Variants in PTPRG observed in about 807,000 individuals in gnomAD.
PTPRG encodes the protein protein tyrosine phosphatase receptor type G.
In PTPRG, 102 loss-of-function variants were observed where a neutral mutation model predicts 165.3. The observed-to-expected ratio is 0.62, with a 90% confidence interval of 0.53 to 0.73. The LOEUF is 0.73. Ranked by LOEUF, PTPRG falls within the 30% of genes least tolerant of loss-of-function variation. The pLI, the probability that PTPRG is intolerant of heterozygous loss-of-function variation, is 0.00. For synonymous variants in PTPRG, 675 were observed against 669.5 expected, an observed-to-expected ratio of 1.01 and a Z score of -0.13; for missense variants, 1,866 against 1,861.4, an observed-to-expected ratio of 1.00 and a Z score of -0.05.
At chr3:61,835,632 C>G (rs1157581398) in intron 2 of PTPRG, among the ~76,000 whole-genome samples, 1 of 151,998 alleles carries the variant, frequency 6.6e-6, no homozygotes, top group Non-Finnish European at 1.5e-5. Flanking sequence ...ACGCCCAGCC[C>G]GTTCCTGCTA....
intron 8 of PTPRG, among the ~76,000 whole-genome samples, chr3:62,175,177 A>G (rs1013042625): frequency 6.6e-6 from 1 of 152,182 alleles, no homozygotes; most frequent in African/African-American, 2.4e-5. Context: ...TAATGTTGAT[A>G]TTTTATAGAC....
chr3:61,788,459 A>G (rs1559612295), intron 2 of PTPRG, among the ~76,000 whole-genome samples: 1 of 152,224 alleles, frequency 6.6e-6, no homozygotes, highest in African/African-American at 2.4e-5. Context: ...ATTTTGAGAT[A>G]CCTGCAGCAA....
chr3:62,157,941 G>T (rs79635599), intron 7 of PTPRG, among the ~76,000 whole-genome samples: 15 of 152,270 alleles, frequency 9.9e-5, no homozygotes, highest in African/African-American at 3.4e-4. Flanking sequence ...ACATCATGGC[G>T]TGGAGAGATT....
chr3:62,256,879 C>T (rs547126613), intron 16 of PTPRG, among the ~76,000 whole-genome samples: 1 of 152,156 alleles, frequency 6.6e-6, no homozygotes, highest in Non-Finnish European at 1.5e-5. Context: ...GCATCAAAAT[C>T]ATGCTTCTTA....
chr3:62,038,450 T>G (rs1439568408), intron 4 of PTPRG, among the ~76,000 whole-genome samples: 1 of 152,180 alleles, frequency 6.6e-6, no homozygotes, highest in Non-Finnish European at 1.5e-5. Context: ...CAGGTTGGAG[T>G]GCAGTGGTGT....
At chr3:62,041,545 C>T (rs1364456024) in intron 4 of PTPRG, among the ~76,000 whole-genome samples, 1 of 152,082 alleles carries the variant, frequency 6.6e-6, no homozygotes, top group Non-Finnish European at 1.5e-5. Context: ...TACAACCTTC[C>T]ACTCCTAATT....
intron 1 of PTPRG, among the ~76,000 whole-genome samples, chr3:61,717,175 T>A (rs952952933): frequency 1.6e-4 from 24 of 152,148 alleles, no homozygotes. Context: ...ATACAGGCCA[T>A]TTTTTTCTGC....
intron 2 of PTPRG, among the ~76,000 whole-genome samples, chr3:61,885,425 C>T (rs2038001069): frequency 6.6e-6 from 1 of 151,142 alleles, no homozygotes; most frequent in Non-Finnish European, 1.5e-5. Flanking sequence ...AATTTCTTTT[C>T]CTATTTGTAC....
intron 1 of PTPRG, among the ~76,000 whole-genome samples, chr3:61,605,444 C>T (rs1021695184): frequency 4.0e-5 from 6 of 151,654 alleles, no homozygotes; most frequent in Non-Finnish European, 5.9e-5. Context: ...TTAATAGAGA[C>T]GGGGTTTTGC....
At chr3:61,856,612 A>AC (rs2037113362) in intron 2 of PTPRG, among the ~76,000 whole-genome samples, 1 of 152,166 alleles carries the variant, frequency 6.6e-6, no homozygotes, top group Admixed American at 6.5e-5. Context: ...CACTGTTTAT[A>AC]AATATAGAAC....
chr3:61,845,341 A>G (rs1441262565), intron 2 of PTPRG, among the ~76,000 whole-genome samples: 1 of 152,208 alleles, frequency 6.6e-6, no homozygotes, highest in African/African-American at 2.4e-5. Context: ...ATAGATGAGG[A>G]CAAATAACTT....
chr3:62,015,932 A>C (rs2041533929), intron 4 of PTPRG, among the ~76,000 whole-genome samples: 3 of 152,222 alleles, frequency 2.0e-5, no homozygotes, highest in African/African-American at 7.2e-5. Context: ...CTTACCAGTC[A>C]GTAAGTTTTT....
At chr3:62,167,247 C>G (rs1008086483) in intron 7 of PTPRG, among the ~76,000 whole-genome samples, 1 of 152,128 alleles carries the variant, frequency 6.6e-6, no homozygotes, top group African/African-American at 2.4e-5. Flanking sequence ...TTGAACAGTT[C>G]ATCTCCGATT....
intron 4 of PTPRG, among the ~76,000 whole-genome samples, chr3:62,060,733 A>G (rs940615971): frequency 5.9e-5 from 9 of 152,248 alleles, no homozygotes; most frequent in Non-Finnish European, 1.5e-5. Context: ...GGTATGGAGT[A>G]GAAATTGAAG....
chr3:62,203,232 C>A lies in PTPRG; in HGVS notation c.1437C>A (p.Thr479=), dbSNP rs1380566146. 4.3e-6 allele frequency: 7 copies of A among 1,613,496 alleles called. No homozygotes were observed. The highest frequency in any genetic ancestry group is 5.9e-6 in the Non-Finnish European group (7 of 1,179,764). ...DMAPISSGSS[T]WTSSGIPFSF... is the part of the protein sequence containing the mutation. ...CCCCCATCAGCTCGGGGTCTTCTACCTGGACGTCCTCTGGCATCCCATTCT... is the reference window on the plus strand; with the variant it reads ...CCCCCATCAGCTCGGGGTCTTCTACATGGACGTCCTCTGGCATCCCATTCT... The change falls in exon 12 of 30, where the codon ACC becomes ACA. Residue 479 remains threonine, a synonymous_variant. Coordinates refer to ENST00000474889, the MANE Select transcript of PTPRG (RefSeq NM_002841.4). The surrounding 1 kb of genome is among the most constrained non-coding windows in gnomAD (Gnocchi z 6.4).
chr3:61,698,385 C>G (rs1163699618), intron 1 of PTPRG, among the ~76,000 whole-genome samples: 1 of 152,128 alleles, frequency 6.6e-6, no homozygotes, highest in Non-Finnish European at 1.5e-5. Context: ...GCCCTTGTAG[C>G]AGGCAAGCAG....
intron 4 of PTPRG, among the ~76,000 whole-genome samples, chr3:62,044,693 CAT>C (rs1700234886): frequency 6.6e-6 from 1 of 152,094 alleles, no homozygotes; most frequent in African/African-American, 2.4e-5. Flanking sequence ...TAATCAATAA[CAT>C]ATTGTGCAGC....
At chr3:62,291,357 T>C (rs1702891796) in intron 28 of PTPRG, among the ~76,000 whole-genome samples, 1 of 152,122 alleles carries the variant, frequency 6.6e-6, no homozygotes. Context: ...TCAGTACCTA[T>C]GCTAAAGTGC....
At chr3:61,640,452 A>G (rs17065136) in intron 1 of PTPRG, among the ~76,000 whole-genome samples, 4,266 of 152,300 alleles carry the variant, frequency 0.028, 188 homozygotes, top group African/African-American at 0.095. Flanking sequence ...CACAACTTGT[A>G]GAACATAAAC....
Sources: gnomAD v4.1 joint callset for allele counts (sites outside exome capture counted in the v4.1 genomes callset) on GRCh38, gnomAD v4.1.1 for gene constraint, Gnocchi (gnomAD v3.1) non-coding constraint, MANE v1.5 for transcripts, NCBI Gene and HGNC (gene_info 2026-07-23, HGNC 2026-07-21) for gene names.